The following GRAMD2B variants were observed in gnomAD, a reference collection of about 807,000 sequenced individuals.
GRAMD2B encodes the protein GRAM domain-containing protein 2B.
In GRAMD2B, 41 loss-of-function variants were observed where a neutral mutation model predicts 59.2. That is an observed-to-expected ratio of 0.69 (90% CI 0.54 to 0.90). GRAMD2B has a LOEUF of 0.90. Among genes scored for constraint, GRAMD2B ranks in the 40% least tolerant of loss-of-function variants. The pLI is 0.00. For missense variants in GRAMD2B, 424 were observed against 500.5 expected, an observed-to-expected ratio of 0.85 and a Z score of 1.46; for synonymous variants, 161 against 182.7, an observed-to-expected ratio of 0.88 and a Z score of 0.96.
chr5:126,466,711 AT>A (rs1368080677), intron 2 of GRAMD2B, among the ~76,000 whole-genome samples: 3 of 151,652 alleles, frequency 2.0e-5, no homozygotes, highest in South Asian at 2.1e-4. Flanking sequence ...CACTTTAACA[AT>A]TTTTTTTCCT....
At chr5:126,478,965 G>A (rs1771176704) in intron 6 of GRAMD2B, among the ~76,000 whole-genome samples, 1 of 152,174 alleles carries the variant, frequency 6.6e-6, no homozygotes, top group Non-Finnish European at 1.5e-5. Flanking sequence ...TTTACTAACA[G>A]CTTGCCTAAA....
chr5:126,485,649 G>T lies in GRAMD2B; in HGVS notation c.971-37G>T, dbSNP rs766639665. ...TTGCTGGATAAAAGAAGTGTGTTATGGTTTTAAACAGTTGTTTTTTGTTTT... is the reference window on the plus strand; with the variant it reads ...TTGCTGGATAAAAGAAGTGTGTTATTGTTTTAAACAGTTGTTTTTTGTTTT... On this transcript the variant is annotated intron_variant, in intron 10 of 13. Transcript: ENST00000285689. The T allele has an allele frequency of 1.1e-5, 14 of 1,310,710 alleles. No individual in the cohort carries two copies. The Admixed American group carries it at 2.4e-4, about 23-fold the overall frequency. The allele number at this position is 1,310,710 out of a possible 1,614,324, so 81.2% of individuals were successfully genotyped here. A position where few individuals can be genotyped will look rare whatever the true frequency, so the allele number is the denominator to read the frequency against.
chr5:126,455,889 G>A (rs961846933), intron 1 of GRAMD2B, among the ~76,000 whole-genome samples: 1 of 152,098 alleles, frequency 6.6e-6, no homozygotes, highest in Non-Finnish European at 1.5e-5. Flanking sequence ...GAATTCCTTA[G>A]ACACCTTCTT....
At chr5:126,454,476 G>A (rs13157433) in intron 1 of GRAMD2B, among the ~76,000 whole-genome samples, 47,641 of 152,084 alleles carry the variant, frequency 0.31, 7,881 homozygotes, top group East Asian at 0.59. Flanking sequence ...AAAAAATCAA[G>A]CTAGTTTGAG....
In GRAMD2B at chr5:126,466,202, A is replaced by G. The variant is rs559047971; in HGVS notation, c.203+657A>G. The stretch of plus-strand genomic sequence containing the variant: ...GAAATCATTGTGGTCCTTCACCATT[A>G]TTAGAACTTTGAGAACTGCTACCTT... On this transcript the variant is annotated intron_variant, in intron 2 of 13. Coordinates refer to ENST00000285689, the MANE Select transcript of GRAMD2B (RefSeq NM_023927.4). 47 of 1,529,482 alleles carry G rather than the reference A, an allele frequency of 3.1e-5. No homozygotes were observed. The South Asian group carries it at 5.4e-4, about 18-fold the overall frequency. The allele number at this position is 1,529,482 out of a possible 1,614,324, so 94.7% of individuals were successfully genotyped here.
chr5:126,385,299 A>C (rs1283557761), intron 1 of GRAMD2B, among the ~76,000 whole-genome samples: 1 of 152,214 alleles, frequency 6.6e-6, no homozygotes, highest in East Asian at 1.9e-4. Context: ...GACTCTCAGC[A>C]ATCCCAAATA....
chr5:126,450,014 GC>G (rs1765046092), intron 1 of GRAMD2B, among the ~76,000 whole-genome samples: 1 of 152,040 alleles, frequency 6.6e-6, no homozygotes, highest in Non-Finnish European at 1.5e-5. Flanking sequence ...CTGCTACAAT[GC>G]CCATGTACTT....
In GRAMD2B at chr5:126,413,919, G is replaced by A. The variant is rs150141318; in HGVS notation, c.125+42352G>A. 5.7e-3 allele frequency among the ~76,000 whole-genome samples: 868 copies of A among 152,146 alleles called. 31 individuals carry two copies. The highest frequency in any genetic ancestry group is 0.039 in the Admixed American group (594 of 15,284). ...TAAGAAAAATTGTGGCTTAGAGAAG[G>A]CAAGTCACTTGTCCAACGTAGTAAA... On this transcript the variant is annotated intron_variant, in intron 1 of 8. Coordinates refer to the GRAMD2B transcript ENST00000506445.
intron 1 of GRAMD2B, among the ~76,000 whole-genome samples, chr5:126,397,336 C>T (rs1464922878): frequency 6.6e-6 from 1 of 152,092 alleles, no homozygotes; most frequent in Admixed American, 6.6e-5. Context: ...GCCATGCTCC[C>T]ATCTCAGCCT....
chr5:126,443,151 ACACT>A (rs1055058813), intron 1 of GRAMD2B, among the ~76,000 whole-genome samples: 23 of 152,174 alleles, frequency 1.5e-4, no homozygotes, highest in Admixed American at 1.1e-3. Flanking sequence ...GGCTTGGTTG[ACACT>A]CAGCTCAGTA....
intron 1 of GRAMD2B, among the ~76,000 whole-genome samples, chr5:126,375,400 G>A (rs1001672181): frequency 4.7e-5 from 7 of 149,710 alleles, no homozygotes; most frequent in African/African-American, 7.4e-5. Flanking sequence ...ATGGAGTCTC[G>A]CTCAGTCACC....
intron 1 of GRAMD2B, among the ~76,000 whole-genome samples, chr5:126,427,124 G>C (rs1041820443): frequency 2.6e-5 from 4 of 152,018 alleles, no homozygotes; most frequent in Admixed American, 2.6e-4. Flanking sequence ...TTGTTTGTTT[G>C]TTTGTTATTT....
intron 1 of GRAMD2B, among the ~76,000 whole-genome samples, chr5:126,380,349 A>G (rs1236686104): frequency 1.3e-5 from 2 of 152,134 alleles, no homozygotes; most frequent in Admixed American, 6.5e-5. Flanking sequence ...TGATGCCTCC[A>G]TAATTGTTCC....
At chr5:126,466,408 A>G in intron 2 of GRAMD2B, 3 of 740,760 alleles carry the variant, frequency 4.0e-6, no homozygotes, top group Middle Eastern at 2.3e-4. Flanking sequence ...TCTTTCCTGC[A>G]TGCTGTTTTG....
At chr5:126,483,961 T>C (rs1056774799) in intron 9 of GRAMD2B, among the ~76,000 whole-genome samples, 13 of 152,348 alleles carry the variant, frequency 8.5e-5, no homozygotes, top group African/African-American at 3.1e-4. Context: ...CCTGAGTAGC[T>C]GGGATTACAG....
At chr5:126,477,659 TGA>T (rs1238179364) in intron 5 of GRAMD2B, 31 bp from the exon 6 acceptor site, 1 of 1,143,618 alleles carries the variant, frequency 8.7e-7, no homozygotes, top group East Asian at 2.3e-5. Flanking sequence ...CTGTCAAGTC[TGA>T]ACTGGCATTA....
intron 1 of GRAMD2B, among the ~76,000 whole-genome samples, chr5:126,388,247 C>T (rs1408057145): frequency 6.6e-6 from 1 of 152,006 alleles, no homozygotes; most frequent in Non-Finnish European, 1.5e-5. Context: ...GTGGCTCCTG[C>T]CTGTGGTCCC....
In GRAMD2B at chr5:126,483,463, G is replaced by A; in HGVS notation, c.736G>A (p.Asp246Asn). 6.3e-7 allele frequency: 1 copy of A among 1,588,362 alleles called. No individual in the cohort carries two copies. Among genetic ancestry groups the A allele is most frequent in the Non-Finnish European group, 8.6e-7 (1 of 1,156,996 alleles). ...TCTTCATTTCACTGTTTCCTTTCAG[G>A]ATTTCAATGATGAATTCTCAGATCT... ...RADRPSSLPL[D>N]FNDEFSDLDG... Residue 246 changes from aspartate to asparagine, a missense_variant and splice_region_variant, in exon 9 of 14, where the codon GAT becomes AAT. Coordinates refer to ENST00000285689, the MANE Select transcript of GRAMD2B (RefSeq NM_023927.4).
chr5:126,463,434 G>A (rs1262848272), intron 1 of GRAMD2B, among the ~76,000 whole-genome samples: 1 of 152,156 alleles, frequency 6.6e-6, no homozygotes, highest in Non-Finnish European at 1.5e-5. Flanking sequence ...GTGCTTTAAG[G>A]CCTCTTAACT....
Sources: allele counts gnomAD v4.1 joint callset (sites outside exome capture counted in the v4.1 genomes callset), GRCh38; gene constraint gnomAD v4.1.1; transcripts MANE v1.5; gene names NCBI Gene and HGNC (gene_info 2026-07-23, HGNC 2026-07-21).